EYS: variants seen among roughly 807,000 people sequenced by gnomAD.
The protein encoded by EYS is protein eyes shut homolog.
EYS carries 250 observed loss-of-function variants against 282.1 expected under a neutral mutation model. That is an observed-to-expected ratio of 0.89 (90% CI 0.80 to 0.98). The LOEUF (loss-of-function observed/expected upper bound fraction) is 0.98. EYS is among the 50% of genes least tolerant of loss of function. The pLI is 0.00. For synonymous variants in EYS, 1,355 were observed against 1,282.9 expected (o/e 1.06, Z -1.20); for missense variants, 4,016 against 3,709.0 (o/e 1.08, Z -2.15).
rs1769673285 is a variant in EYS at position 63,762,610 on chromosome 6, T to C, written c.7922A>G (p.Lys2641Arg). 1 of 1,549,952 alleles carries C rather than the reference T, an allele frequency of 6.5e-7. No homozygotes were observed. The highest frequency in any genetic ancestry group is 1.2e-5 in the South Asian group (1 of 83,948). Residue 2641 changes from lysine to arginine, a missense_variant, in exon 41 of 43, where the codon AAA becomes AGA. Transcript: ENST00000503581. The part of the protein sequence containing the change: ...SVYCNCTTGW[K>R]GSFCTETVST... The stretch of plus-strand genomic sequence containing the variant: ...AACTGTCTCTGTGCAGAATGATCCT[T>C]TCCACCCAGTGGTACAATTGCAGCT...
chr6:64,485,222 A>C (rs1776546423), intron 26 of EYS, among the ~76,000 whole-genome samples: 1 of 151,614 alleles, frequency 6.6e-6, no homozygotes, highest in African/African-American at 2.4e-5. Flanking sequence ...AGGAAGGAAG[A>C]GAAGAACAGG....
chr6:64,279,508 GA>G (rs200188695), intron 30 of EYS, among the ~76,000 whole-genome samples: 3,541 of 152,214 alleles, frequency 0.023, 130 homozygotes, highest in African/African-American at 0.081. Flanking sequence ...AGGGTAAGGT[GA>G]AAATGATGGC....
intron 26 of EYS, among the ~76,000 whole-genome samples, chr6:64,456,036 T>C (rs1026693090): frequency 6.6e-5 from 10 of 152,190 alleles, no homozygotes; most frequent in African/African-American, 2.4e-4. Flanking sequence ...TTTGCATCTA[T>C]GTTGATGATT....
chr6:65,653,837 AG>A (rs1210708082), intron 1 of EYS, among the ~76,000 whole-genome samples: 1 of 151,938 alleles, frequency 6.6e-6, no homozygotes, highest in Non-Finnish European at 1.5e-5. Flanking sequence ...GCAAAGTCCA[AG>A]TGTCCTCTAC....
Position 65,230,463 on chromosome 6 carries a change from A to C in EYS, c.2023+65400T>G, listed in dbSNP as rs73741277. Among the ~76,000 whole-genome samples the C allele has an allele frequency of 4.8e-3, 731 of 152,026 alleles. 9 individuals are homozygous for C. Among genetic ancestry groups the C allele is most frequent in the African/African-American group, 0.017 (695 of 41,566 alleles). ...GTTTTCCCCCCAGAAGATTATTTTT[A>C]TACAATGCCATACATTTTAATACCT... On this transcript the variant is annotated intron_variant, in intron 12 of 42. Coordinates refer to ENST00000503581, the MANE Select transcript of EYS (RefSeq NM_001142800.2).
intron 34 of EYS, among the ~76,000 whole-genome samples, chr6:63,998,213 T>C (rs1293626125): frequency 6.6e-6 from 1 of 152,150 alleles, no homozygotes; most frequent in African/African-American, 2.4e-5. Context: ...ATCCTTCAGC[T>C]GTAGAAAAGA....
intron 26 of EYS, among the ~76,000 whole-genome samples, chr6:64,470,535 C>T (rs987746187): frequency 6.6e-6 from 1 of 151,902 alleles, no homozygotes; most frequent in Non-Finnish European, 1.5e-5. Context: ...CCCTGGTTTA[C>T]ACTGGAAGAA....
At chr6:65,484,479 CCT>C (rs1323919993) in intron 5 of EYS, among the ~76,000 whole-genome samples, 3 of 152,222 alleles carry the variant, frequency 2.0e-5, no homozygotes, top group Non-Finnish European at 2.9e-5. Context: ...TAATAACACA[CCT>C]CTCTTTTTCA....
intron 41 of EYS, among the ~76,000 whole-genome samples, chr6:63,753,617 A>G (rs1349268401): frequency 6.6e-6 from 1 of 152,146 alleles, no homozygotes; most frequent in Non-Finnish European, 1.5e-5. Context: ...ACTCATTATC[A>G]TAAGAATAGC....
intron 5 of EYS, among the ~76,000 whole-genome samples, chr6:65,486,548 C>G (rs1055008012): frequency 6.6e-6 from 1 of 152,112 alleles, no homozygotes; most frequent in Non-Finnish European, 1.5e-5. Flanking sequence ...GAAGTTTATT[C>G]CTCCATGATT....
Position 63,975,486 on chromosome 6 carries a change from G to A in EYS, c.7055+8897C>T, listed in dbSNP as rs181590317. On this transcript the variant is annotated intron_variant, in intron 35 of 42. Coordinates refer to ENST00000503581, the MANE Select transcript of EYS (RefSeq NM_001142800.2). ...AACAATTACCAGAATGTTTTGTTGTGATGCGTTACTTTTTGTTTAAGTAAC... is the reference window on the plus strand; with the variant it reads ...AACAATTACCAGAATGTTTTGTTGTAATGCGTTACTTTTTGTTTAAGTAAC... Among the ~76,000 whole-genome samples, 97 of 152,146 alleles carry A rather than the reference G, an allele frequency of 6.4e-4. No homozygotes were observed. The South Asian group carries it at 6.6e-3, about 10-fold the overall frequency.
intron 33 of EYS, among the ~76,000 whole-genome samples, chr6:64,062,707 A>AG (rs1200240216): frequency 6.6e-6 from 1 of 151,816 alleles, no homozygotes; most frequent in East Asian, 1.9e-4. Context: ...AAAAAAAAAA[A>AG]AAAGAAGAAG....
chr6:64,046,211 T>C (rs1770620674), intron 33 of EYS, among the ~76,000 whole-genome samples: 1 of 151,858 alleles, frequency 6.6e-6, no homozygotes, highest in Admixed American at 6.6e-5. Flanking sequence ...ATTAGCTTCT[T>C]GAGGTTTGAG....
chr6:65,016,341 A>T (rs1319282590), intron 13 of EYS, among the ~76,000 whole-genome samples: 5 of 152,228 alleles, frequency 3.3e-5, no homozygotes, highest in African/African-American at 4.8e-5. Flanking sequence ...AACTTCTTAA[A>T]GAACATTGCA....
At chr6:64,598,888 C>A (rs529891302) in intron 24 of EYS, among the ~76,000 whole-genome samples, 1 of 152,218 alleles carries the variant, frequency 6.6e-6, no homozygotes, top group East Asian at 1.9e-4. Flanking sequence ...GAGGCAGTGG[C>A]CAGGGAAGTC....
Position 64,499,863 on chromosome 6 carries a change from C to A in EYS, c.5645-60511G>T, listed in dbSNP as rs145827183. On this transcript the variant is annotated intron_variant, in intron 26 of 42. Transcript: ENST00000503581. The stretch of plus-strand genomic sequence containing the variant: ...ATTTCTTATAGTTTGATCATTTCTG[C>A]TTAACTCTGAAATGCCGTGCTCATT... Among the ~76,000 whole-genome samples, 448 of 152,208 alleles carry A rather than the reference C, an allele frequency of 2.9e-3. 1 individual carries two copies. Among genetic ancestry groups the A allele is most frequent in the Non-Finnish European group, 5.3e-3 (358 of 67,994 alleles).
intron 35 of EYS, among the ~76,000 whole-genome samples, chr6:63,945,688 T>C (rs1765376378): frequency 6.6e-6 from 1 of 152,222 alleles, no homozygotes; most frequent in African/African-American, 2.4e-5. Context: ...GAAATTTGTA[T>C]GTAATTGAAC....
chr6:63,742,820 GA>G (rs1476429240), intron 41 of EYS, among the ~76,000 whole-genome samples: 1 of 152,058 alleles, frequency 6.6e-6, no homozygotes, highest in East Asian at 1.9e-4. Context: ...TTTTATTTCT[GA>G]GCAGTATTCC....
At chr6:64,190,380 C>A (rs1765066158) in intron 31 of EYS, among the ~76,000 whole-genome samples, 1 of 152,098 alleles carries the variant, frequency 6.6e-6, no homozygotes, top group African/African-American at 2.4e-5. Flanking sequence ...CCACTGTTTC[C>A]ATGGAAGGTG....
Sources: gnomAD v4.1 joint callset for allele counts (sites outside exome capture counted in the v4.1 genomes callset) on GRCh38, gnomAD v4.1.1 for gene constraint, MANE v1.5 for transcripts, NCBI Gene and HGNC (gene_info 2026-07-23, HGNC 2026-07-21) for gene names.